Variants in TPM3 observed in about 807,000 individuals in gnomAD.
TPM3 encodes the protein tropomyosin 3, also known as tropomyosin alpha-3 chain.
In TPM3, 16 loss-of-function variants were observed where a neutral mutation model predicts 43.1. The ratio of observed to expected loss-of-function variants is 0.37; its 90% CI spans 0.25 to 0.56. TPM3 has a LOEUF of 0.56. Ranked by LOEUF, TPM3 falls within the 20% of genes least tolerant of loss-of-function variation. The probability of loss-of-function intolerance (pLI) is 0.77; values close to 1 mark genes in which losing one functional copy is unlikely to be tolerated. For synonymous variants in TPM3, 101 were observed against 116.9 expected, an observed-to-expected ratio of 0.86 and a Z score of 0.88; for missense variants, 176 against 337.2, an observed-to-expected ratio of 0.52 and a Z score of 3.74.
At chr1:154,190,134 G>T (rs1484883663) in intron 2 of TPM3, among the ~76,000 whole-genome samples, 2 of 152,088 alleles carry the variant, frequency 1.3e-5, no homozygotes, top group African/African-American at 4.8e-5. Context: ...TAGAGACAGG[G>T]TTTCACCATG....
chr1:154,158,434 C>G (rs1237224244), downstream of TPM3, among the ~76,000 whole-genome samples: 7 of 152,190 alleles, frequency 4.6e-5, no homozygotes. Flanking sequence ...GTCTAGCAAG[C>G]AAACCACTCT....
chr1:154,189,821 GGAAAA>G (rs915810485), intron 2 of TPM3, among the ~76,000 whole-genome samples: 1 of 136,028 alleles, frequency 7.4e-6, no homozygotes, highest in Non-Finnish European at 1.6e-5. Flanking sequence ...AAAAAAAAAA[GGAAAA>G]GAAAAGGAAA....
intron 2 of TPM3, among the ~76,000 whole-genome samples, chr1:154,190,852 A>G (rs1360202863): frequency 6.6e-6 from 1 of 152,166 alleles, no homozygotes; most frequent in Admixed American, 6.5e-5. Flanking sequence ...GGCATGGGGG[A>G]GGAGGTAGGA....
At chr1:154,172,663 T>C in intron 5 of TPM3, 1 of 565,096 alleles carries the variant, frequency 1.8e-6, no homozygotes, top group South Asian at 2.0e-5. Context: ...TTAGTCCTTA[T>C]TTGCTCTCAA....
chr1:154,174,517 CCTCA>C (rs1213304185), intron 3 of TPM3, among the ~76,000 whole-genome samples: 4 of 147,826 alleles, frequency 2.7e-5, no homozygotes, highest in African/African-American at 9.9e-5. Context: ...ATGCAGCTAT[CCTCA>C]CTTTCTTTCT....
chr1:154,170,327 A>G (rs572663364), intron 8 of TPM3, 73 bp downstream of exon 8: 7 of 1,535,638 alleles, frequency 4.6e-6, no homozygotes, highest in Non-Finnish European at 5.4e-6. Context: ...GGTGTACAGA[A>G]AAAGAGATTA....
At position 154,162,825 on chromosome 1, in the gene TPM3, T is replaced by C. The variant is rs560616519; in HGVS notation, c.*5112A>G. Among the ~76,000 whole-genome samples the C allele has an allele frequency of 6.6e-6, 1 of 152,314 alleles. No homozygotes were observed. The highest frequency in any genetic ancestry group is 1.5e-5 in the Non-Finnish European group (1 of 68,034). The stretch of plus-strand genomic sequence containing the variant: ...GGTCTCTATCCTTGGCTCACACTAG[T>C]CATACCGCAAGGAAAACAGGAGATA... On this transcript the variant is annotated 3_prime_UTR_variant, in exon 10 of 10. Transcript: ENST00000651641.
intron 5 of TPM3, chr1:154,172,254 G>C (rs960568908): frequency 6.2e-6 from 5 of 811,414 alleles, no homozygotes; most frequent in Non-Finnish European, 1.1e-5. Context: ...GATATGTTAT[G>C]TCTGGCAGAC....
intron 3 of TPM3, among the ~76,000 whole-genome samples, chr1:154,175,369 A>G (rs563557953): frequency 6.6e-6 from 1 of 150,968 alleles, no homozygotes; most frequent in African/African-American, 2.4e-5. Flanking sequence ...GGAGAACTTT[A>G]AAAACATCAA....
intron 2 of TPM3, among the ~76,000 whole-genome samples, chr1:154,181,034 A>C (rs1662885335): frequency 6.6e-6 from 1 of 152,226 alleles, no homozygotes; most frequent in Admixed American, 6.5e-5. Flanking sequence ...ACACATGGCC[A>C]GTTCCTCTGT....
At chr1:154,171,783 C>A (rs1661602492) in intron 5 of TPM3, 6 of 626,118 alleles carry the variant, frequency 9.6e-6, no homozygotes, top group Non-Finnish European at 1.7e-5. Context: ...GAGGTGGGAA[C>A]AAATGCCCAA....
intron 2 of TPM3, among the ~76,000 whole-genome samples, chr1:154,190,251 T>C (rs902481916): frequency 6.6e-6 from 1 of 152,244 alleles, no homozygotes; most frequent in Non-Finnish European, 1.5e-5. Flanking sequence ...CCAAATATGA[T>C]TTTAAATATT....
At position 154,167,772 on chromosome 1, in the gene TPM3, T is replaced by C; in HGVS notation, c.*165A>G. The C allele has an allele frequency of 2.6e-6, 4 of 1,527,576 alleles. No homozygotes were observed. The East Asian group carries it at 9.3e-5, about 36-fold the overall frequency. 94.6% of individuals were successfully genotyped at this position (1,527,576 alleles called of 1,614,324 possible). ...TTTCCAGCAGCTTAACATTTTAATTTGGGGTGGGGGTGGAAGAAAATACAT... is the reference window on the plus strand; with the variant it reads ...TTTCCAGCAGCTTAACATTTTAATTCGGGGTGGGGGTGGAAGAAAATACAT... On this transcript the variant is annotated 3_prime_UTR_variant, in exon 10 of 10. Transcript: ENST00000651641.
intron 8 of TPM3, chr1:154,169,677 A>G: frequency 1.9e-6 from 1 of 518,944 alleles, no homozygotes; most frequent in Non-Finnish European, 3.5e-6. Context: ...TACCACTCCC[A>G]TCCAGGTACC....
At chr1:154,176,641 C>G (rs1269140123) in intron 2 of TPM3, among the ~76,000 whole-genome samples, 2 of 124,912 alleles carry the variant, frequency 1.6e-5, no homozygotes, top group African/African-American at 6.7e-5. Context: ...TTTCAAGTGT[C>G]TCATAAAGCA....
rs968090738 is a variant in TPM3 at position 154,164,943 on chromosome 1, C to A, written c.*2994G>T. On this transcript the variant is annotated 3_prime_UTR_variant, in exon 10 of 10. Transcript: ENST00000651641. ...ATATCCTATTCAAAATCTCCAGTGG[C>A]ATCCCCATTAACTCCAAGTAAAATT... Among the ~76,000 whole-genome samples, 2 of 152,216 alleles carry A rather than the reference C, an allele frequency of 1.3e-5. No individual in the cohort carries two copies. Among genetic ancestry groups the A allele is most frequent in the Admixed American group, 1.3e-4 (2 of 15,284 alleles).
chr1:154,173,228 C>G (rs955484911), intron 3 of TPM3, 27 bp from the exon 4 acceptor site: 4 of 1,592,042 alleles, frequency 2.5e-6, no homozygotes, highest in Non-Finnish European at 3.4e-6. Context: ...AAAAGCAATA[C>G]TGACACCCTG....
In TPM3 at chr1:154,170,390, G is replaced by T; in HGVS notation, c.775+10C>A. ...TTTCTCTATTTCAATCCCTACTCCA[G>T]GTTCCATACCTTCCAGGTCATCAAT... On this transcript the variant is annotated intron_variant, in intron 8 of 9. Coordinates refer to ENST00000651641, the MANE Select transcript of TPM3 (RefSeq NM_152263.4). The T allele has an allele frequency of 6.2e-7, 1 of 1,613,984 alleles. No homozygotes were observed. Among genetic ancestry groups the T allele is most frequent in the South Asian group, 1.1e-5 (1 of 91,078 alleles).
chr1:154,171,300 G>T, intron 6 of TPM3, 113 bp downstream of exon 6: 1 of 1,096,456 alleles, frequency 9.1e-7, no homozygotes, highest in Non-Finnish European at 1.4e-6. Flanking sequence ...AAGGAGGTAG[G>T]AAGAGGACAC....
Sources: allele counts gnomAD v4.1 joint callset (sites outside exome capture counted in the v4.1 genomes callset), GRCh38; gene constraint gnomAD v4.1.1; transcripts MANE v1.5; gene names NCBI Gene and HGNC (gene_info 2026-07-23, HGNC 2026-07-21).